Variants in TXNDC17 observed in about 807,000 individuals in gnomAD.
The protein encoded by TXNDC17 is thioredoxin domain-containing protein 17.
In TXNDC17, 12 loss-of-function variants were observed where a neutral mutation model predicts 16.3. That is an observed-to-expected ratio of 0.74 (90% confidence interval 0.47 to 1.19). The LOEUF (loss-of-function observed/expected upper bound fraction) is 1.19, where lower values mean the gene tolerates loss of function less well. TXNDC17 is among the 50% of genes most tolerant of loss of function. The probability of loss-of-function intolerance (pLI) is 0.00; values close to 1 mark genes in which losing one functional copy is unlikely to be tolerated. For missense variants in TXNDC17, 158 were observed against 149.7 expected, an observed-to-expected ratio of 1.06 and a Z score of -0.29; for synonymous variants, 62 against 55.0, an observed-to-expected ratio of 1.13 and a Z score of -0.56.
intron 1 of TXNDC17, 42 bp from the exon 2 acceptor site, chr17:6,641,711 T>C: frequency 6.3e-7 from 1 of 1,584,726 alleles, no homozygotes; most frequent in Non-Finnish European, 8.7e-7. Flanking sequence ...TGCCTGATTG[T>C]AGAGTTGACG....
rs982662287 is a variant in TXNDC17 at position 6,644,030 on chromosome 17, C to G, written c.*1011C>G. 2 of 400,634 alleles carry G rather than the reference C, an allele frequency of 5.0e-6. No homozygotes were observed. Among genetic ancestry groups the G allele is most frequent in the African/African-American group, 4.1e-5 (2 of 48,644 alleles). 24.8% of individuals were successfully genotyped at this position (400,634 alleles called of 1,614,324 possible). On this transcript the variant is annotated 3_prime_UTR_variant, in exon 4 of 4. Coordinates refer to ENST00000250101, the MANE Select transcript of TXNDC17 (RefSeq NM_032731.4). ...TGATTTAAAGAGGTCAGTGACTCCG[C>G]TACTCTCACTACATCTTAGAGTAGA...
At chr17:6,642,821 T>A (rs1333363570) in intron 3 of TXNDC17, 130 bp from the exon 4 acceptor site, 1 of 679,860 alleles carries the variant, frequency 1.5e-6, no homozygotes, top group Non-Finnish European at 2.6e-6. Context: ...AAACTTGTTA[T>A]AACTAGATGA....
At chr17:6,642,821 T>C (rs1333363570) in intron 3 of TXNDC17, 130 bp from the exon 4 acceptor site, 3 of 679,978 alleles carry the variant, frequency 4.4e-6, no homozygotes, top group Non-Finnish European at 7.8e-6. Context: ...AAACTTGTTA[T>C]AACTAGATGA....
In TXNDC17 at chr17:6,642,473, C is replaced by G; in HGVS notation, c.303+149C>G. The G allele has an allele frequency of 1.3e-5, 7 of 559,394 alleles. No homozygotes were observed. In the South Asian group the frequency reaches 2.0e-4, roughly 16 times the overall value. The allele number at this position is 559,394 out of a possible 1,614,324, so 34.7% of individuals were successfully genotyped here. ...TGAAAGTCCATTCCTATGGCCAATC[C>G]CAATAAACTGATAATGTAAATATCT... is the stretch of plus-strand genomic sequence containing the variant. On this transcript the variant is annotated intron_variant, in intron 3 of 3. Transcript: ENST00000250101.
rs1422868960 is a variant in TXNDC17 at position 6,641,874 on chromosome 17, A to G, written c.227+40A>G. 3.8e-6 allele frequency: 6 copies of G among 1,585,432 alleles called. No individual in the cohort carries two copies. The Admixed American group carries it at 6.7e-5, about 18-fold the overall frequency. On this transcript the variant is annotated intron_variant, in intron 2 of 3. Transcript: ENST00000250101. Reference sequence around the variant, plus strand: ...ATAATCTACCTCGCAGACGTGCACAAATTGCATACTTAGGCGGGAAGGGCC... The same window carrying G: ...ATAATCTACCTCGCAGACGTGCACAGATTGCATACTTAGGCGGGAAGGGCC...
chr17:6,642,652 C>A, intron 3 of TXNDC17: 1 of 453,534 alleles, frequency 2.2e-6, no homozygotes. Context: ...TCAGTCATGC[C>A]CCTGGGATCC....
Position 6,643,917 on chromosome 17 carries a change from G to A in TXNDC17, c.*898G>A, listed in dbSNP as rs1432827135. On this transcript the variant is annotated 3_prime_UTR_variant, in exon 4 of 4. Transcript: ENST00000250101. ...GGTCAAGTGAGGCCACAGTGATTCA[G>A]TGATTCTTAAAGCCACCTTGCAAAG... 2.6e-6 allele frequency: 1 copy of A among 391,144 alleles called. No homozygotes were observed. The highest frequency in any genetic ancestry group is 4.5e-6 in the Non-Finnish European group (1 of 221,766). 24.2% of individuals were successfully genotyped at this position (391,144 alleles called of 1,614,324 possible). A position where few individuals can be genotyped will look rare whatever the true frequency, so the allele number is the denominator to read the frequency against.
rs764247952 is a variant in TXNDC17 at position 6,641,195 on chromosome 17, G to C, written c.113G>C (p.Gly38Ala). 3.1e-6 allele frequency: 5 copies of C among 1,613,634 alleles called. No homozygotes were observed. Among genetic ancestry groups the C allele is most frequent in the Non-Finnish European group, 3.4e-6 (4 of 1,180,004 alleles). The change falls in exon 1 of 4, where the codon GGG (glycine) becomes GCG (alanine). Residue 38 changes from glycine to alanine, a missense_variant. By Grantham distance (60) the Gly-to-Ala change is moderately conservative. Transcript: ENST00000250101. ...FAYFTGSKDA[G>A]GKSWCPDCVQ... ...TACTTTACGGGTTCTAAGGACGCCGGGGGGAAAAGCTGGTGCCCCGACTGC... is the reference window on the plus strand; with the variant it reads ...TACTTTACGGGTTCTAAGGACGCCGCGGGGAAAAGCTGGTGCCCCGACTGC...
Position 6,644,182 on chromosome 17 carries a change from C to T in TXNDC17, c.*1163C>T. 1 of 462,406 alleles carries T rather than the reference C, an allele frequency of 2.2e-6. No homozygotes were observed. The highest frequency in any genetic ancestry group is 3.8e-6 in the Non-Finnish European group (1 of 264,700). 28.6% of individuals were successfully genotyped at this position (462,406 alleles called of 1,614,324 possible). On this transcript the variant is annotated 3_prime_UTR_variant, in exon 4 of 4. Transcript: ENST00000250101. ...CCACCCCTACCCCATGCCCCAGTGC[C>T]TTATTTGGTCTAAAGCACCTAACTT...
At chr17:6,641,711 T>G in intron 1 of TXNDC17, 42 bp from the exon 2 acceptor site, 22 of 1,584,726 alleles carry the variant, frequency 1.4e-5, no homozygotes, top group Non-Finnish European at 1.9e-5. Flanking sequence ...TGCCTGATTG[T>G]AGAGTTGACG....
At position 6,641,812 on chromosome 17, in the gene TXNDC17, T is replaced by G. The variant is rs1972678232; in HGVS notation, c.205T>G (p.Cys69Gly). 1 of 1,614,076 alleles carries G rather than the reference T, an allele frequency of 6.2e-7. No individual in the cohort carries two copies. The highest frequency in any genetic ancestry group is 1.7e-5 in the Admixed American group (1 of 60,002). The change falls in exon 2 of 4, where the codon TGC becomes GGC. Residue 69 changes from cysteine to glycine, a missense_variant. Physicochemically the swap from Cys to Gly is radical, Grantham distance 159 (BLOSUM62 -3). Transcript: ENST00000250101. ...TAGTGAAGGATGTGTGTTCATCTAC[T>G]GCCAAGTAGGAGAAAAGCCTTAGTA... ...HISEGCVFIY[C>G]QVGEKPYWKD...
chr17:6,643,111 G>A lies in TXNDC17; in HGVS notation c.*92G>A. ...CTTTGAATTCATGTTAGCAATAAAT[G>A]ATGTTAAAAAAACTGGCATGTGTCT... On this transcript the variant is annotated 3_prime_UTR_variant, in exon 4 of 4. Coordinates refer to ENST00000250101, the MANE Select transcript of TXNDC17 (RefSeq NM_032731.4). The A allele has an allele frequency of 6.6e-6, 8 of 1,207,892 alleles. No homozygotes were observed. Among genetic ancestry groups the A allele is most frequent in the Non-Finnish European group, 9.7e-6 (8 of 826,732 alleles). 74.8% of individuals were successfully genotyped at this position (1,207,892 alleles called of 1,614,324 possible). A position where few individuals can be genotyped will look rare whatever the true frequency, so the allele number is the denominator to read the frequency against.
chr17:6,641,736 C>A lies in TXNDC17; in HGVS notation c.146-17C>A. The A allele has an allele frequency of 6.2e-7, 1 of 1,612,878 alleles. No homozygotes were observed. Among genetic ancestry groups the A allele is most frequent in the Non-Finnish European group, 8.5e-7 (1 of 1,178,884 alleles). ...TAGAGTTGACGTGCGATTATTTTAT[C>A]TCAACTTTTTTTAAAGCTGAACCAG... is the stretch of plus-strand genomic sequence containing the variant. On this transcript the variant is annotated splice_polypyrimidine_tract_variant and intron_variant, in intron 1 of 3. Transcript: ENST00000250101.
At chr17:6,641,264 A>T (rs555117570) in intron 1 of TXNDC17, 37 bp downstream of exon 1, 1 of 1,610,646 alleles carries the variant, frequency 6.2e-7, no homozygotes, top group African/African-American at 1.3e-5. Flanking sequence ...TCCAATGGAA[A>T]TGGCAGGAAG....
In TXNDC17 at chr17:6,641,077, G is replaced by A. The variant is rs1287237276; in HGVS notation, c.-6G>A. 1 of 1,611,834 alleles carries A rather than the reference G, an allele frequency of 6.2e-7. No homozygotes were observed. Among genetic ancestry groups the A allele is most frequent in the South Asian group, 1.1e-5 (1 of 90,960 alleles). ...ACTCCTCCAGTAGCGGCTGCACGTCGTGCCAATGGCCCGCTATGAGGAGGT... is the reference window on the plus strand; with the variant it reads ...ACTCCTCCAGTAGCGGCTGCACGTCATGCCAATGGCCCGCTATGAGGAGGT... On this transcript the variant is annotated 5_prime_UTR_variant, in exon 1 of 4. The change creates a new upstream start codon in the 5' untranslated region. Coordinates refer to ENST00000250101, the MANE Select transcript of TXNDC17 (RefSeq NM_032731.4).
chr17:6,644,079 CAG>C lies in TXNDC17; in HGVS notation c.*1061_*1062del, dbSNP rs1251501014. 2 of 407,716 alleles carry C rather than the reference CAG, an allele frequency of 4.9e-6. No individual in the cohort carries two copies. The highest frequency in any genetic ancestry group is 8.7e-6 in the Non-Finnish European group (2 of 231,204). The allele number at this position is 407,716 out of a possible 1,614,324, so 25.3% of individuals were successfully genotyped here. On this transcript the variant is annotated 3_prime_UTR_variant, in exon 4 of 4. Coordinates refer to ENST00000250101, the MANE Select transcript of TXNDC17 (RefSeq NM_032731.4). Reference sequence around the variant, plus strand: ...GAGTGGTAGAGTAGTTGATCTGAGACAGTAAGGTTCCAGGAGATGGTCTTGCC... The same window carrying C: ...GAGTGGTAGAGTAGTTGATCTGAGACTAAGGTTCCAGGAGATGGTCTTGCC...
rs1411383759 is a variant in TXNDC17 at position 6,641,097 on chromosome 17, G to A, written c.15G>A (p.Glu5=). 7 of 1,613,306 alleles carry A rather than the reference G, an allele frequency of 4.3e-6. No homozygotes were observed. The highest frequency in any genetic ancestry group is 1.7e-5 in the Admixed American group (1 of 60,014). ...ACGTCGTGCCAATGGCCCGCTATGA[G>A]GAGGTGAGCGTGTCCGGCTTCGAGG... MARY[E]EVSVSGFEEF... The change falls in exon 1 of 4, where the codon GAG becomes GAA. Residue 5 remains glutamate, a synonymous_variant. Transcript: ENST00000250101.
rs1972735346 is a variant in TXNDC17, at chr17:6,644,246, AAAG to A, written c.*1230_*1232del. 1 of 566,084 alleles carries A rather than the reference AAAG, an allele frequency of 1.8e-6. No homozygotes were observed. Among genetic ancestry groups the A allele is most frequent in the Non-Finnish European group, 2.8e-6 (1 of 353,308 alleles). The allele number at this position is 566,084 out of a possible 1,614,324, so 35.1% of individuals were successfully genotyped here. ...CAGCTGATTATGCTAAATGCGTAAA[AAAG>A]AAAAACACCTTACAAATCCACAGGG... On this transcript the variant is annotated 3_prime_UTR_variant, in exon 4 of 4. Coordinates refer to ENST00000250101, the MANE Select transcript of TXNDC17 (RefSeq NM_032731.4).
At position 6,642,329 on chromosome 17, in the gene TXNDC17, G is replaced by C. The variant is rs1567600657; in HGVS notation, c.303+5G>C. 6.3e-7 allele frequency: 1 copy of C among 1,581,964 alleles called. No individual in the cohort carries two copies. The highest frequency in any genetic ancestry group is 8.6e-7 in the Non-Finnish European group (1 of 1,159,276). ...ACACTACTTAAGTATGGAACAGTAAGTATCTTTAAATATGCTGGGCCTGTA... is the reference window on the plus strand; with the variant it reads ...ACACTACTTAAGTATGGAACAGTAACTATCTTTAAATATGCTGGGCCTGTA... On this transcript the variant is annotated splice_donor_5th_base_variant and intron_variant, in intron 3 of 3. Transcript: ENST00000250101.
Sources: allele counts gnomAD v4.1 joint callset, GRCh38; gene constraint gnomAD v4.1.1; transcripts MANE v1.5; gene names NCBI Gene and HGNC (gene_info 2026-07-23, HGNC 2026-07-21).